Variants in ZNF469 observed in about 807,000 individuals in gnomAD.
ZNF469 encodes the protein zinc finger protein 469.
In ZNF469, 1 loss-of-function variant was observed where a neutral mutation model predicts 1.0. The observed-to-expected ratio is 1.00, with a 90% CI of 0.35 to 4.73. ZNF469 has a LOEUF of 4.73. ZNF469 is among the 30% of genes most tolerant of loss of function. The probability of loss-of-function intolerance (pLI) is 0.16; values close to 1 mark genes in which losing one functional copy is unlikely to be tolerated. For missense variants in ZNF469, 6,100 were observed against 5,356.3 expected (o/e 1.14, Z -4.33); for synonymous variants, 2,703 against 2,363.4 (o/e 1.14, Z -4.17).
the ZNF469 span, among the ~76,000 whole-genome samples, chr16:88,268,266 G>C: frequency 6.6e-6 from 1 of 152,168 alleles, no homozygotes; most frequent in Admixed American, 6.5e-5. Context: ...GGTGTCTTAA[G>C]TCTCTGTGGT....
At chr16:88,256,895 CTTCTTTCT>C in the ZNF469 span, among the ~76,000 whole-genome samples, 116 of 51,458 alleles carry the variant, frequency 2.3e-3, 5 homozygotes, top group African/African-American at 7.7e-3. Flanking sequence ...CTTTTCTTTC[CTTCTTTCT>C]TTCTTTCTTT....
At chr16:88,339,032 T>G in the ZNF469 span, among the ~76,000 whole-genome samples, 1 of 151,406 alleles carries the variant, frequency 6.6e-6, no homozygotes, top group Admixed American at 6.6e-5. Flanking sequence ...CAGGGCTGCC[T>G]GAGCTGGACT....
chr16:88,364,959 C>T, the ZNF469 span, among the ~76,000 whole-genome samples: 14 of 152,106 alleles, frequency 9.2e-5, no homozygotes, highest in African/African-American at 3.1e-4. Context: ...AGTGAGACTC[C>T]ATCTCAAAAA....
At chr16:88,119,071 CCT>C in the ZNF469 span, among the ~76,000 whole-genome samples, 3 of 152,184 alleles carry the variant, frequency 2.0e-5, no homozygotes, top group South Asian at 6.2e-4. Context: ...TGCAATTTTC[CCT>C]GACAACTCGT....
rs1478000624 is a variant in ZNF469, at chr16:88,431,691, C to A, written c.4221C>A (p.Ala1407=). Residue 1407 remains alanine, a synonymous_variant, in exon 3 of 3, where the codon GCC becomes GCA. Coordinates refer to ENST00000565624, the MANE Select transcript of ZNF469 (RefSeq NM_001367624.2). ...ELHPKPSARD[A]PPASSSCLCQ... Reference sequence around the variant, plus strand: ...ACCCCAAGCCCTCAGCCAGGGATGCCCCGCCGGCCAGCAGCTCCTGCCTTT... The same window carrying A: ...ACCCCAAGCCCTCAGCCAGGGATGCACCGCCGGCCAGCAGCTCCTGCCTTT... 2 of 1,550,432 alleles carry A rather than the reference C, an allele frequency of 1.3e-6. No individual in the cohort carries two copies. The highest frequency in any genetic ancestry group is 1.7e-6 in the Non-Finnish European group (2 of 1,146,998).
intron 1 of ZNF469, among the ~76,000 whole-genome samples, chr16:88,416,047 T>C (rs1000597283): frequency 8.5e-5 from 13 of 152,062 alleles, no homozygotes; most frequent in African/African-American, 4.8e-5. Flanking sequence ...TCACTTTTAA[T>C]TGAAAAAGGA....
the ZNF469 span, among the ~76,000 whole-genome samples, chr16:88,165,812 C>T: frequency 6.6e-6 from 1 of 152,188 alleles, no homozygotes; most frequent in Non-Finnish European, 1.5e-5. Flanking sequence ...CCCGCCGCCT[C>T]CTTTCCGTCT....
At chr16:88,173,017 G>C in the ZNF469 span, among the ~76,000 whole-genome samples, 51 of 152,238 alleles carry the variant, frequency 3.4e-4, no homozygotes, top group Admixed American at 3.1e-3. Context: ...TGGAGATCTA[G>C]AAAGAGAAGA....
intron 1 of ZNF469, among the ~76,000 whole-genome samples, chr16:88,414,132 C>T (rs1173937534): frequency 1.3e-5 from 2 of 152,180 alleles, no homozygotes; most frequent in African/African-American, 2.4e-5. Context: ...GGGTCCACAC[C>T]CTGTCACCCT....
the ZNF469 span, among the ~76,000 whole-genome samples, chr16:88,162,374 A>G: frequency 2.0e-5 from 3 of 151,816 alleles, no homozygotes; most frequent in Non-Finnish European, 2.9e-5. Flanking sequence ...AAAAAAAAAA[A>G]AAAAAACCAC....
chr16:88,262,017 C>T, the ZNF469 span, among the ~76,000 whole-genome samples: 1,032 of 152,266 alleles, frequency 6.8e-3, 10 homozygotes, highest in African/African-American at 0.023. This position sits in a 1 kb window ranked among gnomAD's most constrained non-coding sequence, Gnocchi z 4.3. Context: ...GCAGGACGCC[C>T]GGCTCATCCC....
the ZNF469 span, among the ~76,000 whole-genome samples, chr16:88,103,538 C>T: frequency 6.6e-6 from 1 of 152,160 alleles, no homozygotes; most frequent in Admixed American, 6.5e-5. Context: ...CCCTCCTTGT[C>T]CCCCCCGAAT....
At chr16:88,419,647 C>T (rs951957669) in intron 1 of ZNF469, among the ~76,000 whole-genome samples, 6 of 152,202 alleles carry the variant, frequency 3.9e-5, no homozygotes, top group African/African-American at 1.4e-4. Flanking sequence ...GGTCCCACCC[C>T]TTGAAGCGCC....
chr16:88,176,437 G>A, the ZNF469 span, among the ~76,000 whole-genome samples: 4 of 151,128 alleles, frequency 2.6e-5, no homozygotes, highest in Admixed American at 2.0e-4. Context: ...CATTTCAGAG[G>A]CGTCAAAGAA....
the ZNF469 span, among the ~76,000 whole-genome samples, chr16:88,374,388 G>C: frequency 6.6e-6 from 1 of 152,214 alleles, no homozygotes; most frequent in Non-Finnish European, 1.5e-5. Flanking sequence ...AATGAGTGAG[G>C]TGCGGGAGAC....
At chr16:88,380,483 G>GTCACAGACA, upstream of ZNF469, among the ~76,000 whole-genome samples, 1 of 96,846 alleles carries the variant, frequency 1.0e-5, no homozygotes, top group Non-Finnish European at 2.0e-5. Flanking sequence ...TCACACATAC[G>GTCACAGACA]TGCACACACA....
At chr16:88,159,974 A>G in the ZNF469 span, among the ~76,000 whole-genome samples, 1 of 152,134 alleles carries the variant, frequency 6.6e-6, no homozygotes, top group Non-Finnish European at 1.5e-5. Flanking sequence ...GGCAGCAGGT[A>G]TTTGGGCCCA....
chr16:88,219,953 C>A, the ZNF469 span, among the ~76,000 whole-genome samples: 1 of 152,194 alleles, frequency 6.6e-6, no homozygotes, highest in African/African-American at 2.4e-5. Flanking sequence ...AGACATTGCT[C>A]CCCTTCCTGG....
chr16:88,380,991 C>A (rs111210139), upstream of ZNF469, among the ~76,000 whole-genome samples: 1 of 133,460 alleles, frequency 7.5e-6, no homozygotes, highest in South Asian at 2.6e-4. Context: ...TGCACTCACA[C>A]AGACATGCAC....
Sources: allele counts gnomAD v4.1 joint callset (sites outside exome capture counted in the v4.1 genomes callset), GRCh38; gene constraint gnomAD v4.1.1; non-coding constraint Gnocchi (gnomAD v3.1); transcripts MANE v1.5; gene names NCBI Gene and HGNC (gene_info 2026-07-23, HGNC 2026-07-21).